RFTN1: variants seen among roughly 807,000 people sequenced by gnomAD.
RFTN1 encodes the protein raftlin, lipid raft linker 1, also known as raftlin.
RFTN1 carries 26 observed loss-of-function variants against 46.5 expected under a neutral mutation model. The observed-to-expected ratio is 0.56, with a 90% CI of 0.41 to 0.78. The LOEUF (loss-of-function observed/expected upper bound fraction) is 0.78, where lower values mean the gene tolerates loss of function less well. Among genes scored for constraint, RFTN1 ranks in the 30% least tolerant of loss-of-function variants. RFTN1 has a pLI of 0.00. For synonymous variants in RFTN1, 261 were observed against 284.2 expected (o/e 0.92, Z 0.82); for missense variants, 693 against 718.7 (o/e 0.96, Z 0.41).
chr3:16,436,413 G>A (rs533536096), intron 2 of RFTN1, among the ~76,000 whole-genome samples: 3 of 151,512 alleles, frequency 2.0e-5, no homozygotes, highest in African/African-American at 7.3e-5. Flanking sequence ...CTGGAGTGCG[G>A]TGGTGCTATC....
At position 16,361,366 on chromosome 3, in the gene RFTN1, C is replaced by T. The variant is rs2072819321; in HGVS notation, c.1031-3319G>A. The stretch of plus-strand genomic sequence containing the variant: ...ATCTCACAAGCAGCAAGATAAAGTC[C>T]CTGCCTACATGAAGCTTACCTTGCA... On this transcript the variant is annotated intron_variant, in intron 6 of 9. Transcript: ENST00000334133. This position sits in a 1 kb window ranked among gnomAD's most constrained non-coding sequence, Gnocchi z 4.3. 6.6e-6 allele frequency among the ~76,000 whole-genome samples: 1 copy of T among 152,098 alleles called. No individual in the cohort carries two copies. Among genetic ancestry groups the T allele is most frequent in the South Asian group, 2.1e-4 (1 of 4,826 alleles).
intron 7 of RFTN1, among the ~76,000 whole-genome samples, chr3:16,347,034 T>A (rs2071767959): frequency 6.6e-6 from 1 of 152,224 alleles, no homozygotes; most frequent in African/African-American, 2.4e-5. Flanking sequence ...GCAACCCAAC[T>A]GATACCCATG....
rs562012398 is a variant in RFTN1 at position 16,382,649 on chromosome 3, G to A, written c.442-4547C>T. The stretch of plus-strand genomic sequence containing the variant: ...TACACAGAAGACGATCACAGCTGAC[G>A]GGTCCACTGTTGATCTGGTCTCACC... On this transcript the variant is annotated intron_variant, in intron 4 of 9. Transcript: ENST00000334133. This position sits in a 1 kb window ranked among gnomAD's most constrained non-coding sequence, Gnocchi z 4.7. 1.2e-4 allele frequency among the ~76,000 whole-genome samples: 19 copies of A among 152,232 alleles called. No homozygotes were observed. Among genetic ancestry groups the A allele is most frequent in the African/African-American group, 4.3e-4 (18 of 41,540 alleles).
At position 16,483,438 on chromosome 3, in the gene RFTN1, C is replaced by T. The variant is rs927745781; in HGVS notation, c.145+10287G>A. Among the ~76,000 whole-genome samples, 5 of 152,188 alleles carry T rather than the reference C, an allele frequency of 3.3e-5. No homozygotes were observed. The highest frequency in any genetic ancestry group is 1.2e-4 in the African/African-American group (5 of 41,432). On this transcript the variant is annotated intron_variant, in intron 2 of 9. Coordinates refer to ENST00000334133, the MANE Select transcript of RFTN1 (RefSeq NM_015150.2). This position sits in a 1 kb window ranked among gnomAD's most constrained non-coding sequence, Gnocchi z 4.8. ...GAGACATCACAGACTTAAGCTGAGT[C>T]TGTTGACACCTGTTCTGTAGTGTCA...
At chr3:16,453,460 A>T (rs1345392185) in intron 2 of RFTN1, among the ~76,000 whole-genome samples, 1 of 152,024 alleles carries the variant, frequency 6.6e-6, no homozygotes, top group South Asian at 2.1e-4. Flanking sequence ...CCAACAAACG[A>T]CACCTCCTTG....
chr3:16,386,460 C>T (rs979798985), intron 4 of RFTN1, among the ~76,000 whole-genome samples: 1 of 152,218 alleles, frequency 6.6e-6, no homozygotes, highest in Non-Finnish European at 1.5e-5. Flanking sequence ...AGATATTGGG[C>T]AACTTCCCCA....
Position 16,409,333 on chromosome 3 carries a change from A to G in RFTN1, c.441+42T>C, listed in dbSNP as rs780068227. ...TACCTGCCTGTTCACTCAGGGGAAC[A>G]CTCGCAAACCTCTTCAATGGTACCC... On this transcript the variant is annotated intron_variant, in intron 4 of 9. Transcript: ENST00000334133. 4 of 1,352,066 alleles carry G rather than the reference A, an allele frequency of 3.0e-6. No homozygotes were observed. The South Asian group carries it at 4.7e-5, about 16-fold the overall frequency. The allele number at this position is 1,352,066 out of a possible 1,614,324, so 83.8% of individuals were successfully genotyped here. A position where few individuals can be genotyped will look rare whatever the true frequency, so the allele number is the denominator to read the frequency against.
chr3:16,487,258 A>T (rs2076462430), intron 2 of RFTN1, among the ~76,000 whole-genome samples: 1 of 152,252 alleles, frequency 6.6e-6, no homozygotes, highest in South Asian at 2.1e-4. Flanking sequence ...CCCAAGGTTG[A>T]CCTTCAATAA....
At position 16,396,544 on chromosome 3, in the gene RFTN1, C is replaced by T. The variant is rs1004648710; in HGVS notation, c.441+12831G>A. Among the ~76,000 whole-genome samples the T allele has an allele frequency of 6.6e-5, 10 of 152,288 alleles. 1 individual carries two copies. Among genetic ancestry groups the T allele is most frequent in the Admixed American group, 6.5e-5 (1 of 15,298 alleles). ...AGAAGAATGGCAGAAGTGCCGAGCA[C>T]GTCTTTCTAGAGTGAAAAAAGAGAG... On this transcript the variant is annotated intron_variant, in intron 4 of 9. Transcript: ENST00000334133.
rs2070044096 is a variant in RFTN1, at chr3:16,329,202, C to T, written c.1147-2326G>A. 6.6e-6 allele frequency among the ~76,000 whole-genome samples: 1 copy of T among 152,220 alleles called. No individual in the cohort carries two copies. The highest frequency in any genetic ancestry group is 1.5e-5 in the Non-Finnish European group (1 of 68,044). On this transcript the variant is annotated intron_variant, in intron 7 of 9. Transcript: ENST00000334133. This position sits in a 1 kb window ranked among gnomAD's most constrained non-coding sequence, Gnocchi z 4.5. ...CTCGGGATGACGCAGCAAGAAGGCC[C>T]TCACAAGATGCCAGGCCCTCGACCT...
At chr3:16,431,129 G>A (rs1366550036) in intron 3 of RFTN1, among the ~76,000 whole-genome samples, 2 of 152,168 alleles carry the variant, frequency 1.3e-5, no homozygotes, top group Non-Finnish European at 2.9e-5. Context: ...AAGATCCATC[G>A]ATGTGCCCCT....
At chr3:16,328,639 A>G (rs2069976148) in intron 7 of RFTN1, among the ~76,000 whole-genome samples, 2 of 152,216 alleles carry the variant, frequency 1.3e-5, no homozygotes, top group South Asian at 2.1e-4. Context: ...CAGCATCAGC[A>G]TCACCTGGCA....
Position 16,351,330 on chromosome 3 carries a change from G to C in RFTN1, c.1146+6602C>G, listed in dbSNP as rs2072089258. ...CCTCCATACATATGAAGCCTTCAGG[G>C]AAGCCAAGGCTGGAAGATCCCCAGA... On this transcript the variant is annotated intron_variant, in intron 7 of 9. Coordinates refer to ENST00000334133, the MANE Select transcript of RFTN1 (RefSeq NM_015150.2). This position sits in a 1 kb window ranked among gnomAD's most constrained non-coding sequence, Gnocchi z 5.4. 1.3e-5 allele frequency among the ~76,000 whole-genome samples: 2 copies of C among 152,188 alleles called. No individual in the cohort carries two copies.
chr3:16,486,855 G>A (rs1275686146), intron 2 of RFTN1, among the ~76,000 whole-genome samples: 2 of 152,334 alleles, frequency 1.3e-5, no homozygotes, highest in East Asian at 3.9e-4. Context: ...AGTAATGAAG[G>A]TCAAATCATG....
At chr3:16,323,246 G>T in intron 9 of RFTN1, 130 bp downstream of exon 9, 1 of 661,214 alleles carries the variant, frequency 1.5e-6, no homozygotes, top group Non-Finnish European at 2.6e-6. Flanking sequence ...GTTGCCAGGG[G>T]CTCAGGTGTT....
In RFTN1 at chr3:16,512,175, A is replaced by G. The variant is rs1464006462; in HGVS notation, c.-9+1267T>C. ...CGTTGGGATTCAGCTGTTCAGAGAT[A>G]CAAATTAGGAATCCCGGCAGCAGAG... is the stretch of plus-strand genomic sequence containing the variant. On this transcript the variant is annotated intron_variant, in intron 1 of 9. Transcript: ENST00000334133. The surrounding 1 kb of genome is among the most constrained non-coding windows in gnomAD (Gnocchi z 4.3). Among the ~76,000 whole-genome samples, 2 of 152,138 alleles carry G rather than the reference A, an allele frequency of 1.3e-5. No homozygotes were observed. The highest frequency in any genetic ancestry group is 2.9e-5 in the Non-Finnish European group (2 of 68,028).
rs2075205171 is a variant in RFTN1 at position 16,422,523 on chromosome 3, C to T, written c.332+11328G>A. Among the ~76,000 whole-genome samples, 1 of 151,806 alleles carries T rather than the reference C, an allele frequency of 6.6e-6. No homozygotes were observed. The highest frequency in any genetic ancestry group is 2.1e-4 in the South Asian group (1 of 4,796). ...GCACGTGCCTGTAATCCCAGCTACT[C>T]AGGAGGCTGAGGCAGGAGAATCACT... On this transcript the variant is annotated intron_variant, in intron 3 of 9. Transcript: ENST00000334133. This position sits in a 1 kb window ranked among gnomAD's most constrained non-coding sequence, Gnocchi z 4.6.
rs17042258 is a variant in RFTN1 at position 16,421,764 on chromosome 3, T to C, written c.332+12087A>G. 0.18 allele frequency among the ~76,000 whole-genome samples: 26,792 copies of C among 152,132 alleles called. 2,452 individuals are homozygous for C. Among genetic ancestry groups the C allele is most frequent in the Admixed American group, 0.23 (3,458 of 15,280 alleles). On this transcript the variant is annotated intron_variant, in intron 3 of 9. Transcript: ENST00000334133. This position sits in a 1 kb window ranked among gnomAD's most constrained non-coding sequence, Gnocchi z 4.6. ...AAGGATTTTACATTTACATTACGGGTATTCTCTTCAATCTGCAATCACTTC... is the reference window on the plus strand; with the variant it reads ...AAGGATTTTACATTTACATTACGGGCATTCTCTTCAATCTGCAATCACTTC...
At chr3:16,491,421 T>A (rs1252893650) in intron 2 of RFTN1, among the ~76,000 whole-genome samples, 1 of 152,146 alleles carries the variant, frequency 6.6e-6, no homozygotes, top group Non-Finnish European at 1.5e-5. Context: ...ACTGGCAGGA[T>A]CTGTAGGAGG....
Sources: allele counts gnomAD v4.1 joint callset (sites outside exome capture counted in the v4.1 genomes callset), GRCh38; gene constraint gnomAD v4.1.1; non-coding constraint Gnocchi (gnomAD v3.1); transcripts MANE v1.5; gene names NCBI Gene and HGNC (gene_info 2026-07-23, HGNC 2026-07-21).